Variants in AP2A2 observed in about 807,000 individuals in gnomAD.
AP2A2 encodes the protein adaptor related protein complex 2 subunit alpha 2.
In AP2A2, 32 loss-of-function variants were observed where a neutral mutation model predicts 104.2. That is an observed-to-expected ratio of 0.31 (90% CI 0.23 to 0.41). AP2A2 has a LOEUF of 0.41. AP2A2 is among the 10% of genes least tolerant of loss of function. The probability of loss-of-function intolerance (pLI) is 1.00; values close to 1 mark genes in which losing one functional copy is unlikely to be tolerated. For synonymous variants in AP2A2, 539 were observed against 533.3 expected, an observed-to-expected ratio of 1.01 and a Z score of -0.15; for missense variants, 912 against 1,261.0, an observed-to-expected ratio of 0.72 and a Z score of 4.19.
intron 18 of AP2A2, 131 bp from the exon 19 acceptor site, chr11:1,008,969 G>C (rs910354196): frequency 1.4e-6 from 1 of 695,986 alleles, no homozygotes; most frequent in Admixed American, 2.5e-5. Flanking sequence ...GGGACTGAAG[G>C]CTCGGCCCCC....
At chr11:1,010,355 G>T in intron 21 of AP2A2, 193 bp from the exon 22 acceptor site, 1 of 596,318 alleles carries the variant, frequency 1.7e-6, no homozygotes, top group Non-Finnish European at 3.0e-6. Context: ...CGTACGAGAC[G>T]CCAGGCGCTC....
chr11:940,696 G>A (rs1374228798), intron 1 of AP2A2: 1 of 395,146 alleles, frequency 2.5e-6, no homozygotes, highest in Non-Finnish European at 5.0e-6. Context: ...GTGTAGGTTT[G>A]TTTGGTCTCT....
chr11:984,809 C>A, intron 7 of AP2A2, 56 bp downstream of exon 7: 2 of 1,382,530 alleles, frequency 1.4e-6, no homozygotes, highest in Non-Finnish European at 2.0e-6. Flanking sequence ...GATTCCCTGT[C>A]TCAGATTTAA....
rs1856210777 is a variant in AP2A2, at chr11:1,006,467, GTAAA to G, written c.2207-58_2207-55del. 9 of 1,194,142 alleles carry G rather than the reference GTAAA, an allele frequency of 7.5e-6. 1 individual carries two copies. The highest frequency in any genetic ancestry group is 6.4e-5 in the South Asian group (5 of 78,234). The allele number at this position is 1,194,142 out of a possible 1,614,324, so 74.0% of individuals were successfully genotyped here. ...TTGTGGGGGGCTCTTGTTTTTCAGGGTAAATATTCAGGGTAAGTGTGAAATGGTG... is the reference window on the plus strand; with the variant it reads ...TTGTGGGGGGCTCTTGTTTTTCAGGGTATTCAGGGTAAGTGTGAAATGGTG... On this transcript the variant is annotated intron_variant, in intron 16 of 21. Coordinates refer to ENST00000448903, the MANE Select transcript of AP2A2 (RefSeq NM_012305.4).
At chr11:1,003,647 T>C in intron 15 of AP2A2, 75 bp from the exon 16 acceptor site, 2 of 1,013,432 alleles carry the variant, frequency 2.0e-6, no homozygotes, top group Non-Finnish European at 2.8e-6. Flanking sequence ...GTGCTGTGAG[T>C]TTTTTTCCAG....
In AP2A2 at chr11:993,977, G is replaced by T; in HGVS notation, c.1774G>T (p.Asp592Tyr). 1 of 1,610,866 alleles carries T rather than the reference G, an allele frequency of 6.2e-7. No individual in the cohort carries two copies. The highest frequency in any genetic ancestry group is 1.1e-5 in the South Asian group (1 of 91,048). Residue 592 changes from aspartate (D) to tyrosine (Y), a missense_variant, in exon 13 of 22, where the codon GAC becomes TAC. By Grantham distance (160) the Asp-to-Tyr change is radical (BLOSUM62 -3). Transcript: ENST00000448903. The surrounding 1 kb of genome is among the most constrained non-coding windows in gnomAD (Gnocchi z 8.2). ...YLRLSTVAST[D>Y]ILATVLEEMP... ...GCGGCTCAGCACCGTGGCCAGCACC[G>T]ACATTCTGGTAGGAGGCCCCCGCCC...
At chr11:987,445 C>T (rs975086736) in intron 9 of AP2A2, among the ~76,000 whole-genome samples, 6 of 151,824 alleles carry the variant, frequency 4.0e-5, no homozygotes, top group East Asian at 1.9e-4. Context: ...GTCAGGAGAT[C>T]GAGACCATCC....
At chr11:986,490 G>A (rs556007194) in intron 8 of AP2A2, among the ~76,000 whole-genome samples, 59 of 152,274 alleles carry the variant, frequency 3.9e-4, no homozygotes, top group Admixed American at 3.5e-3. Context: ...CCGGCCTCCC[G>A]CGGGCCTGAT....
chr11:941,482 A>G (rs1212532534), intron 1 of AP2A2, among the ~76,000 whole-genome samples: 3 of 151,806 alleles, frequency 2.0e-5, no homozygotes, highest in East Asian at 3.9e-4. Flanking sequence ...GGGTCTTACT[A>G]TGTTGCCCAG....
rs1855714828 is a variant in AP2A2, at chr11:993,044, G to A, written c.1453-240G>A. ...GACGCTGGCAGAACCTCCCCAGCCA[G>A]AGCCTGTTGTGGATGCTGCAGCTCC... On this transcript the variant is annotated intron_variant, in intron 11 of 21. Transcript: ENST00000448903. The surrounding 1 kb of genome is among the most constrained non-coding windows in gnomAD (Gnocchi z 8.2). Among the ~76,000 whole-genome samples the A allele has an allele frequency of 6.6e-6, 1 of 152,210 alleles. No homozygotes were observed. Among genetic ancestry groups the A allele is most frequent in the South Asian group, 2.1e-4 (1 of 4,828 alleles).
At chr11:981,871 C>A (rs752960335) in intron 6 of AP2A2, among the ~76,000 whole-genome samples, 1 of 152,250 alleles carries the variant, frequency 6.6e-6, no homozygotes, top group Non-Finnish European at 1.5e-5. Flanking sequence ...TCCATGTGCA[C>A]GAGATGGCTC....
chr11:975,379 G>T (rs1854987985), intron 4 of AP2A2, among the ~76,000 whole-genome samples: 1 of 148,896 alleles, frequency 6.7e-6, no homozygotes. Context: ...TCCCTCTTAC[G>T]AGCCGACATT....
At chr11:933,290 C>G (rs1853348133) in intron 1 of AP2A2, among the ~76,000 whole-genome samples, 1 of 152,034 alleles carries the variant, frequency 6.6e-6, no homozygotes, top group African/African-American at 2.4e-5. Flanking sequence ...ACAAAAAACC[C>G]CAGAAATGAA....
chr11:983,273 C>A (rs1223974439), intron 6 of AP2A2, among the ~76,000 whole-genome samples: 1 of 152,054 alleles, frequency 6.6e-6, no homozygotes, highest in East Asian at 1.9e-4. Flanking sequence ...ATTGCACCTG[C>A]CTTGGCCTCC....
chr11:975,721 C>A lies in AP2A2; in HGVS notation c.474-1374C>A, dbSNP rs769478203. On this transcript the variant is annotated intron_variant, in intron 4 of 21. Transcript: ENST00000448903. ...TCTCCCTCGTGTGAGCCGACGTCGG[C>A]GAGTAGCTGTGGGATCCTTGGTCTC... Among the ~76,000 whole-genome samples, 533 of 56,090 alleles carry A rather than the reference C, an allele frequency of 9.5e-3. 1 individual carries two copies. Among genetic ancestry groups the A allele is most frequent in the Admixed American group, 0.025 (96 of 3,774 alleles). 36.8% of individuals were successfully genotyped at this position (56,090 alleles called of 152,430 possible).
At chr11:1,002,410 T>C (rs2133774434) in intron 15 of AP2A2, among the ~76,000 whole-genome samples, 1 of 152,372 alleles carries the variant, frequency 6.6e-6, no homozygotes, top group African/African-American at 2.4e-5. Context: ...GTGTTGTGGA[T>C]CGCTGTCCTG....
In AP2A2 at chr11:972,222, T is replaced by G; in HGVS notation, c.440T>G (p.Phe147Cys). ...SVGSREMAEA[F>C]AGEIPKVLVA... ...GGCAGCCGGGAGATGGCCGAGGCCT[T>G]CGCCGGGGAGATCCCTAAGGTCCTC... Residue 147 changes from phenylalanine to cysteine, a missense_variant, in exon 4 of 22, where the codon TTC becomes TGC. Physicochemically the swap from Phe to Cys is radical, Grantham distance 205. Around this residue, in one of 7 missense-constraint regions of AP2A2, gnomAD observed 350 missense variants for 487.0 expected, o/e 0.72. Coordinates refer to ENST00000448903, the MANE Select transcript of AP2A2 (RefSeq NM_012305.4). 1 of 1,608,290 alleles carries G rather than the reference T, an allele frequency of 6.2e-7. No homozygotes were observed. Among genetic ancestry groups the G allele is most frequent in the Non-Finnish European group, 8.5e-7 (1 of 1,178,944 alleles).
In AP2A2 at chr11:959,425, TC is replaced by T. The variant is rs1378151025; in HGVS notation, c.68-11del. 3 of 1,504,362 alleles carry T rather than the reference TC, an allele frequency of 2.0e-6. No individual in the cohort carries two copies. In the African/African-American group the frequency reaches 4.2e-5, roughly 21 times the overall value. 93.2% of individuals were successfully genotyped at this position (1,504,362 alleles called of 1,614,324 possible). A position where few individuals can be genotyped will look rare whatever the true frequency, so the allele number is the denominator to read the frequency against. ...AATTAAAATAAAAATGGCTTTTTGT[TC>T]TTTTTTTTAGGTAAAAGTAAAGAAG... On this transcript the variant is annotated splice_polypyrimidine_tract_variant and intron_variant, in intron 1 of 21. Coordinates refer to ENST00000448903, the MANE Select transcript of AP2A2 (RefSeq NM_012305.4).
chr11:938,535 C>A (rs1012612033), intron 1 of AP2A2, among the ~76,000 whole-genome samples: 1 of 149,896 alleles, frequency 6.7e-6, no homozygotes, highest in Non-Finnish European at 1.5e-5. Flanking sequence ...AGTGCAGTGG[C>A]GCGATCTTGG....
Sources: gnomAD v4.1 joint callset for allele counts (sites outside exome capture counted in the v4.1 genomes callset) on GRCh38, gnomAD v4.1.1 for gene constraint, gnomAD v4.1.1 regional missense constraint, Gnocchi (gnomAD v3.1) non-coding constraint, MANE v1.5 for transcripts, NCBI Gene and HGNC (gene_info 2026-07-23, HGNC 2026-07-21) for gene names.